The following HCN1 variants were observed in gnomAD, a reference collection of about 807,000 sequenced individuals.
HCN1 encodes potassium/sodium hyperpolarization-activated cyclic nucleotide-gated channel 1.
Under a neutral mutation model 78.9 loss-of-function variants are expected in HCN1, and 13 were observed. That is an observed-to-expected ratio of 0.16 (90% CI 0.11 to 0.26). HCN1 has a LOEUF of 0.26. Among genes scored for constraint, HCN1 ranks in the 10% least tolerant of loss-of-function variants. HCN1 has a pLI of 1.00. For synonymous variants in HCN1, 552 were observed against 455.5 expected, an observed-to-expected ratio of 1.21 and a Z score of -2.70; for missense variants, 810 against 1,154.3, an observed-to-expected ratio of 0.70 and a Z score of 4.32.
chr5:45,528,776 T>G (rs1742787771), intron 2 of HCN1, among the ~76,000 whole-genome samples: 1 of 152,016 alleles, frequency 6.6e-6, no homozygotes, highest in African/African-American at 2.4e-5. Flanking sequence ...AAAATGTCTT[T>G]GCTTGTGATT....
chr5:45,574,209 T>G (rs1307875506), intron 2 of HCN1, among the ~76,000 whole-genome samples: 1 of 152,178 alleles, frequency 6.6e-6, no homozygotes, highest in Non-Finnish European at 1.5e-5. Flanking sequence ...TTTTACAAAT[T>G]TAAGATTTTT....
chr5:45,525,794 G>A (rs746178441), intron 2 of HCN1, among the ~76,000 whole-genome samples: 4 of 151,896 alleles, frequency 2.6e-5, no homozygotes, highest in African/African-American at 9.7e-5. Flanking sequence ...ATTTAGTTTA[G>A]GTCTTCTTAG....
intron 3 of HCN1, among the ~76,000 whole-genome samples, chr5:45,444,777 T>C (rs1740751715): frequency 6.6e-6 from 1 of 151,928 alleles, no homozygotes; most frequent in East Asian, 1.9e-4. Flanking sequence ...ACTTTATTCT[T>C]TTCTTTTTTT....
At chr5:45,442,012 T>C (rs1302981708) in intron 3 of HCN1, among the ~76,000 whole-genome samples, 1 of 152,184 alleles carries the variant, frequency 6.6e-6, no homozygotes, top group Non-Finnish European at 1.5e-5. Context: ...ATTTAACTTG[T>C]CTGTTGTTTG....
At chr5:45,414,887 C>A (rs1388736294) in intron 3 of HCN1, among the ~76,000 whole-genome samples, 1 of 151,962 alleles carries the variant, frequency 6.6e-6, no homozygotes, top group Non-Finnish European at 1.5e-5. Context: ...AATGACTTGG[C>A]ATCCTTAATA....
chr5:45,535,566 C>A (rs1742949872), intron 2 of HCN1, among the ~76,000 whole-genome samples: 1 of 151,810 alleles, frequency 6.6e-6, no homozygotes, highest in Non-Finnish European at 1.5e-5. Flanking sequence ...CCACTGCCCT[C>A]CAGCCTAGGG....
intron 3 of HCN1, among the ~76,000 whole-genome samples, chr5:45,398,371 G>A (rs757197757): frequency 1.3e-5 from 2 of 152,022 alleles, no homozygotes; most frequent in Non-Finnish European, 2.9e-5. Flanking sequence ...TCATAGTCAG[G>A]AAATTGACAT....
Position 45,256,326 on chromosome 5 carries a change from T to C in HCN1, c.*5595A>G, listed in dbSNP as rs2111829403. On this transcript the variant is annotated 3_prime_UTR_variant, in exon 8 of 8. Coordinates refer to ENST00000303230, the MANE Select transcript of HCN1 (RefSeq NM_021072.4). ...AGGCTGATGTTGCAGTGGGCCAAGA[T>C]CCTGCCATTGCACTCCCACCTGGGT... is the stretch of plus-strand genomic sequence containing the variant. 1 of 145,450 alleles carries C rather than the reference T, an allele frequency of 6.9e-6. No individual in the cohort carries two copies. Among genetic ancestry groups the C allele is most frequent in the South Asian group, 2.2e-4 (1 of 4,638 alleles). 9.0% of individuals were successfully genotyped at this position (145,450 alleles called of 1,614,324 possible).
At chr5:45,636,990 C>CT (rs1242428558) in intron 2 of HCN1, among the ~76,000 whole-genome samples, 1 of 152,058 alleles carries the variant, frequency 6.6e-6, no homozygotes, top group Non-Finnish European at 1.5e-5. Context: ...TTTCAATAAA[C>CT]TTTTTAGTTT....
chr5:45,396,848 T>C (rs572850370), intron 3 of HCN1, 138 bp from the exon 4 acceptor site: 131 of 723,630 alleles, frequency 1.8e-4, no homozygotes, highest in Admixed American at 5.6e-4. Flanking sequence ...ACAAATGTAC[T>C]TCTCACTAAC....
chr5:45,685,270 T>A (rs1739781369), intron 1 of HCN1, among the ~76,000 whole-genome samples: 1 of 152,158 alleles, frequency 6.6e-6, no homozygotes, highest in South Asian at 2.1e-4. Flanking sequence ...CATTTTCTGA[T>A]GAAAAGAAAG....
At chr5:45,612,474 C>T (rs1744857783) in intron 2 of HCN1, among the ~76,000 whole-genome samples, 1 of 152,090 alleles carries the variant, frequency 6.6e-6, no homozygotes, top group South Asian at 2.1e-4. Flanking sequence ...ATATTGAAAT[C>T]ATTTTATTAT....
chr5:45,268,698 G>T (rs1271331863), intron 6 of HCN1, among the ~76,000 whole-genome samples: 2 of 152,166 alleles, frequency 1.3e-5, no homozygotes. Context: ...TTATGCTGTT[G>T]TTCTTGTCAA....
chr5:45,288,439 A>G (rs1745309804), intron 6 of HCN1, among the ~76,000 whole-genome samples: 1 of 151,996 alleles, frequency 6.6e-6, no homozygotes, highest in Non-Finnish European at 1.5e-5. Context: ...GTCCCATTCT[A>G]ACGGAATCAT....
chr5:45,385,299 G>GT (rs1304020454), intron 4 of HCN1, among the ~76,000 whole-genome samples: 1 of 152,012 alleles, frequency 6.6e-6, no homozygotes, highest in African/African-American at 2.4e-5. Context: ...GATTACCACT[G>GT]TAACTGCATA....
At chr5:45,666,522 ACT>A (rs1746052348) in intron 1 of HCN1, among the ~76,000 whole-genome samples, 1 of 152,018 alleles carries the variant, frequency 6.6e-6, no homozygotes, top group African/African-American at 2.4e-5. Flanking sequence ...TGAAGAAATT[ACT>A]CTCAGACTTG....
intron 1 of HCN1, among the ~76,000 whole-genome samples, chr5:45,678,110 C>T (rs1168264562): frequency 2.6e-5 from 4 of 151,798 alleles, no homozygotes; most frequent in South Asian, 2.1e-4. Context: ...GTTTGGGGTT[C>T]GGCTTCCTCG....
chr5:45,492,116 T>C (rs140434977), intron 2 of HCN1, among the ~76,000 whole-genome samples: 3 of 152,182 alleles, frequency 2.0e-5, no homozygotes, highest in Admixed American at 1.3e-4. Flanking sequence ...TCATATGTCA[T>C]GAGTGTTACA....
At chr5:45,489,561 C>T (rs1037273865) in intron 2 of HCN1, among the ~76,000 whole-genome samples, 1 of 152,128 alleles carries the variant, frequency 6.6e-6, no homozygotes, top group Non-Finnish European at 1.5e-5. Flanking sequence ...AAAGTGCTCT[C>T]TGTTTCCACC....
Sources: gnomAD v4.1 joint callset for allele counts (sites outside exome capture counted in the v4.1 genomes callset) on GRCh38, gnomAD v4.1.1 for gene constraint, MANE v1.5 for transcripts, NCBI Gene and HGNC (gene_info 2026-07-23, HGNC 2026-07-21) for gene names.